Variants in SFXN5 observed in about 807,000 individuals in gnomAD.
SFXN5 encodes the protein sideroflexin 5.
Under a neutral mutation model 50.2 loss-of-function variants are expected in SFXN5, and 43 were observed. The ratio of observed to expected loss-of-function variants is 0.86; its 90% confidence interval spans 0.67 to 1.11. The LOEUF (loss-of-function observed/expected upper bound fraction) is 1.11, where lower values mean the gene tolerates loss of function less well. Ranked by LOEUF, SFXN5 falls within the 50% of genes least tolerant of loss-of-function variation. The pLI is 0.00. For missense variants in SFXN5, 463 were observed against 454.1 expected, an observed-to-expected ratio of 1.02 and a Z score of -0.18; for synonymous variants, 203 against 185.8, an observed-to-expected ratio of 1.09 and a Z score of -0.75.
intron 13 of SFXN5, among the ~76,000 whole-genome samples, chr2:72,946,283 G>A (rs543769431): frequency 7.0e-4 from 107 of 152,188 alleles, no homozygotes; most frequent in Non-Finnish European, 1.1e-3. Flanking sequence ...CAGCAGCCAC[G>A]TTTCTTTAAA....
rs145416302 is a variant in SFXN5 at position 73,040,973 on chromosome 2, G to A, written c.172-42C>T. ...AGAGACATTGAGGGGCACAGATCCA[G>A]GGCTCCCGCAAATTTTTCTTTTGTG... is the stretch of plus-strand genomic sequence containing the variant. On this transcript the variant is annotated intron_variant, in intron 2 of 13. Coordinates refer to ENST00000272433, the MANE Select transcript of SFXN5 (RefSeq NM_144579.3). 3,102 of 1,576,734 alleles carry A rather than the reference G, an allele frequency of 2.0e-3. 35 individuals carry two copies. The African/African-American group carries it at 0.033, about 17-fold the overall frequency.
intron 1 of SFXN5, among the ~76,000 whole-genome samples, chr2:73,067,639 G>A (rs1477735604): frequency 1.3e-5 from 2 of 152,168 alleles, no homozygotes; most frequent in Non-Finnish European, 2.9e-5. Context: ...TCAATGAAAT[G>A]ATGGGATGTT....
intron 1 of SFXN5, chr2:73,070,793 A>AG (rs1683531209): frequency 6.6e-6 from 1 of 151,590 alleles, no homozygotes; most frequent in Admixed American, 6.6e-5. Flanking sequence ...GTGTGCCCAG[A>AG]GCCAGTCCCC....
chr2:72,994,374 G>A (rs899507350), intron 9 of SFXN5, among the ~76,000 whole-genome samples: 1 of 152,136 alleles, frequency 6.6e-6, no homozygotes, highest in Non-Finnish European at 1.5e-5. Flanking sequence ...GGGATCCCCT[G>A]GAACCCCTTC....
At chr2:72,955,736 C>G (rs951827485) in intron 13 of SFXN5, among the ~76,000 whole-genome samples, 3 of 152,238 alleles carry the variant, frequency 2.0e-5, no homozygotes, top group African/African-American at 7.2e-5. Flanking sequence ...GGACCCTGCA[C>G]ATCTCCCTCA....
intron 6 of SFXN5, 150 bp from the exon 7 acceptor site, chr2:73,001,728 G>T: frequency 1.4e-6 from 1 of 733,550 alleles, no homozygotes; most frequent in Non-Finnish European, 2.3e-6. Context: ...TTCATTGAGG[G>T]AGAGGCTGTG....
intron 3 of SFXN5, among the ~76,000 whole-genome samples, chr2:73,033,351 A>C (rs1489055534): frequency 1.3e-5 from 2 of 152,234 alleles, no homozygotes. Context: ...GATAAGCAAC[A>C]CAAACAATAA....
intron 3 of SFXN5, among the ~76,000 whole-genome samples, chr2:73,034,111 G>C (rs1191315805): frequency 6.6e-6 from 1 of 152,206 alleles, no homozygotes; most frequent in Non-Finnish European, 1.5e-5. Context: ...TCATCCAGGA[G>C]GCCACTGCAG....
chr2:73,048,742 T>C (rs911701817), intron 2 of SFXN5, among the ~76,000 whole-genome samples: 2 of 152,240 alleles, frequency 1.3e-5, no homozygotes, highest in African/African-American at 4.8e-5. Flanking sequence ...TCCACTATTA[T>C]AAGTAACATT....
Position 73,066,153 on chromosome 2 carries a change from C to T in SFXN5, c.102+5451G>A, listed in dbSNP as rs532461187. On this transcript the variant is annotated intron_variant, in intron 1 of 13. Coordinates refer to ENST00000272433, the MANE Select transcript of SFXN5 (RefSeq NM_144579.3). ...AAGGGATAAAGGAACATGCTAACCA[C>T]TACCACAGAGATGCCATCAGCAACA... Among the ~76,000 whole-genome samples, 10 of 152,278 alleles carry T rather than the reference C, an allele frequency of 6.6e-5. No individual in the cohort carries two copies. The South Asian group carries it at 1.9e-3, about 28-fold the overall frequency.
chr2:72,947,310 G>A (rs978912727), intron 13 of SFXN5, among the ~76,000 whole-genome samples: 4 of 152,256 alleles, frequency 2.6e-5, no homozygotes, highest in African/African-American at 9.6e-5. Context: ...GGCACTGGAA[G>A]ACGGGGTTCC....
intron 3 of SFXN5, among the ~76,000 whole-genome samples, chr2:73,039,017 C>T (rs1300624917): frequency 6.6e-6 from 1 of 152,150 alleles, no homozygotes; most frequent in African/African-American, 2.4e-5. Context: ...ACCTCCACCT[C>T]CTAGGTTCAA....
intron 2 of SFXN5, among the ~76,000 whole-genome samples, chr2:73,048,118 ACATCTATGTAT>A (rs1261594984): frequency 2.0e-5 from 3 of 152,210 alleles, no homozygotes; most frequent in African/African-American, 7.2e-5. Context: ...ACCATGTATG[ACATCTATGTAT>A]CATGTATATA....
intron 1 of SFXN5, among the ~76,000 whole-genome samples, chr2:73,064,229 C>A (rs866781556): frequency 1.3e-5 from 2 of 152,244 alleles, no homozygotes; most frequent in Admixed American, 1.3e-4. Context: ...TACTGCTCTT[C>A]GATTAGGAAT....
chr2:73,059,808 C>G (rs917862617), intron 1 of SFXN5: 4 of 969,614 alleles, frequency 4.1e-6, no homozygotes, highest in Non-Finnish European at 4.9e-6. Flanking sequence ...ACAATGCTGT[C>G]CTGGCAAAAT....
At chr2:72,985,240 G>C (rs1173741894) in intron 10 of SFXN5, among the ~76,000 whole-genome samples, 1 of 152,162 alleles carries the variant, frequency 6.6e-6, no homozygotes, top group East Asian at 1.9e-4. Flanking sequence ...CCAGCTTCTT[G>C]GTCACCTTTA....
rs1423508888 is a variant in SFXN5, at chr2:72,992,004, T to C, written c.535-3656A>G. Among the ~76,000 whole-genome samples, 1 of 152,126 alleles carries C rather than the reference T, an allele frequency of 6.6e-6. No homozygotes were observed. The highest frequency in any genetic ancestry group is 1.5e-5 in the Non-Finnish European group (1 of 68,030). On this transcript the variant is annotated intron_variant, in intron 9 of 13. Transcript: ENST00000272433. This position sits in a 1 kb window ranked among gnomAD's most constrained non-coding sequence, Gnocchi z 4.5. Reference sequence around the variant, plus strand: ...TGGTAGATGGGGAAAACAAACAGGGTGTGGATTTTGCACAAGAATTTCTTA... The same window carrying C: ...TGGTAGATGGGGAAAACAAACAGGGCGTGGATTTTGCACAAGAATTTCTTA...
intron 12 of SFXN5, among the ~76,000 whole-genome samples, chr2:72,965,823 T>C (rs1476073276): frequency 6.6e-6 from 1 of 152,172 alleles, no homozygotes; most frequent in Non-Finnish European, 1.5e-5. Flanking sequence ...ACAGAGCATG[T>C]TTTTCCCCAG....
chr2:73,010,977 CACAA>C (rs890159201), intron 6 of SFXN5, among the ~76,000 whole-genome samples: 6 of 152,094 alleles, frequency 3.9e-5, no homozygotes, highest in East Asian at 3.9e-4. Context: ...GAAAACCAAC[CACAA>C]ACAAAGAAAG....
Sources: allele counts gnomAD v4.1 joint callset (sites outside exome capture counted in the v4.1 genomes callset), GRCh38; gene constraint gnomAD v4.1.1; non-coding constraint Gnocchi (gnomAD v3.1); transcripts MANE v1.5; gene names NCBI Gene and HGNC (gene_info 2026-07-23, HGNC 2026-07-21).